The following EXOC4 variants were observed in gnomAD, a reference collection of about 807,000 sequenced individuals.
EXOC4 encodes the protein SEC8-like 1.
Under a neutral mutation model 107.2 loss-of-function variants are expected in EXOC4, and 71 were observed. The ratio of observed to expected loss-of-function variants is 0.66; its 90% CI spans 0.55 to 0.81. EXOC4 has a LOEUF of 0.81. Ranked by LOEUF, EXOC4 falls within the 30% of genes least tolerant of loss-of-function variation. The pLI, the probability that EXOC4 is intolerant of heterozygous loss-of-function variation, is 0.00. For synonymous variants in EXOC4, 456 were observed against 441.2 expected (o/e 1.03, Z -0.42); for missense variants, 1,108 against 1,189.6 (o/e 0.93, Z 1.01).
chr7:134,076,181 A>G, the EXOC4 span, among the ~76,000 whole-genome samples: 1 of 152,068 alleles, frequency 6.6e-6, no homozygotes, highest in South Asian at 2.1e-4. Context: ...AAAGATAGTG[A>G]TTTCCCAACA....
intron 6 of EXOC4, among the ~76,000 whole-genome samples, chr7:133,369,311 T>C (rs1247458368): frequency 6.6e-6 from 1 of 152,112 alleles, no homozygotes; most frequent in East Asian, 1.9e-4. Flanking sequence ...TAAAGGAGTG[T>C]ACGTGCTGGT....
At chr7:133,731,849 T>C (rs887559405) in intron 10 of EXOC4, among the ~76,000 whole-genome samples, 2 of 152,128 alleles carry the variant, frequency 1.3e-5, no homozygotes, top group African/African-American at 4.8e-5. Flanking sequence ...TATGGGAATA[T>C]AAATTAGTTC....
chr7:133,290,988 C>G (rs961026885), intron 3 of EXOC4: 5 of 152,014 alleles, frequency 3.3e-5, no homozygotes, highest in Non-Finnish European at 7.4e-5. Flanking sequence ...AAACAGGGGG[C>G]ATAGGCTATG....
intron 2 of EXOC4, among the ~76,000 whole-genome samples, chr7:133,286,324 C>T (rs1013154700): frequency 3.3e-5 from 5 of 152,086 alleles, no homozygotes; most frequent in South Asian, 2.1e-4. Context: ...ATGTTTATAT[C>T]GTCCTGTCCT....
intron 10 of EXOC4, among the ~76,000 whole-genome samples, chr7:133,800,111 T>C (rs1796906426): frequency 7.6e-6 from 1 of 131,796 alleles, no homozygotes; most frequent in Admixed American, 9.5e-5. Flanking sequence ...AACATATCAC[T>C]TCCCCAGATG....
intron 9 of EXOC4, among the ~76,000 whole-genome samples, chr7:133,513,100 A>C (rs1240164733): frequency 1.3e-5 from 2 of 152,168 alleles, no homozygotes; most frequent in African/African-American, 4.8e-5. Flanking sequence ...GCAAGACTTC[A>C]TCTCAAAAAA....
Position 133,508,507 on chromosome 7 carries a change from A to G in EXOC4, c.1417+28369A>G, listed in dbSNP as rs186151394. Among the ~76,000 whole-genome samples the G allele has an allele frequency of 6.0e-4, 92 of 152,314 alleles. 1 individual carries two copies. Among genetic ancestry groups the G allele is most frequent in the Middle Eastern group, 3.4e-3 (1 of 294 alleles). On this transcript the variant is annotated intron_variant, in intron 9 of 17. Coordinates refer to ENST00000253861, the MANE Select transcript of EXOC4 (RefSeq NM_021807.4). ...ACTTCTGTTTCCTCTTTAACACTGT[A>G]GCACTTAGGAATTATCTTATTTCCC...
At chr7:133,405,059 G>A (rs1264702715) in intron 7 of EXOC4, among the ~76,000 whole-genome samples, 1 of 151,952 alleles carries the variant, frequency 6.6e-6, no homozygotes, top group African/African-American at 2.4e-5. Context: ...GAGTGATAGG[G>A]CAAGACCCTG....
chr7:134,081,388 T>C, the EXOC4 span, among the ~76,000 whole-genome samples: 13 of 152,138 alleles, frequency 8.5e-5, no homozygotes, highest in Admixed American at 2.6e-4. Flanking sequence ...CAGCAGCCCC[T>C]TCCCCACAGC....
At chr7:133,511,667 T>C (rs1053469086) in intron 9 of EXOC4, among the ~76,000 whole-genome samples, 3 of 152,196 alleles carry the variant, frequency 2.0e-5, no homozygotes, top group African/African-American at 7.2e-5. Flanking sequence ...ATAATCATTG[T>C]AGAGCAAATG....
At chr7:133,911,400 G>A (rs1023379055) in intron 12 of EXOC4, among the ~76,000 whole-genome samples, 1 of 152,152 alleles carries the variant, frequency 6.6e-6, no homozygotes, top group East Asian at 1.9e-4. Flanking sequence ...GTTTATTGCT[G>A]ATCAATGCCA....
At chr7:133,954,105 C>T (rs947162158) in intron 14 of EXOC4, among the ~76,000 whole-genome samples, 23 of 152,136 alleles carry the variant, frequency 1.5e-4, no homozygotes, top group Non-Finnish European at 2.5e-4. Context: ...CTAAACTTAC[C>T]TTCCCCAAAT....
chr7:133,929,432 A>T (rs902051890), intron 13 of EXOC4, among the ~76,000 whole-genome samples: 3 of 152,078 alleles, frequency 2.0e-5, no homozygotes, highest in African/African-American at 7.2e-5. Context: ...TCTGATAGTT[A>T]CCTACTGCTC....
chr7:133,294,062 A>C (rs1009419019), intron 3 of EXOC4, among the ~76,000 whole-genome samples: 2 of 152,204 alleles, frequency 1.3e-5, no homozygotes, highest in African/African-American at 4.8e-5. Flanking sequence ...ATTTAAATTG[A>C]AATTTTAATT....
At chr7:133,655,198 T>A (rs1803261306) in intron 10 of EXOC4, among the ~76,000 whole-genome samples, 1 of 152,062 alleles carries the variant, frequency 6.6e-6, no homozygotes, top group Non-Finnish European at 1.5e-5. Context: ...ATAAACTTTA[T>A]TTTAAAAATT....
At chr7:133,391,123 T>C (rs531812356) in intron 7 of EXOC4, among the ~76,000 whole-genome samples, 24 of 152,192 alleles carry the variant, frequency 1.6e-4, no homozygotes, top group Non-Finnish European at 3.5e-4. Flanking sequence ...CATAAGTGAG[T>C]GGCACAAACA....
At chr7:133,908,403 G>A (rs888044313) in intron 12 of EXOC4, among the ~76,000 whole-genome samples, 4 of 152,234 alleles carry the variant, frequency 2.6e-5, no homozygotes, top group Non-Finnish European at 5.9e-5. Context: ...CACTAGCTCT[G>A]TCTCAGTCTT....
At chr7:133,444,092 A>G (rs1286190141) in intron 7 of EXOC4, among the ~76,000 whole-genome samples, 1 of 152,170 alleles carries the variant, frequency 6.6e-6, no homozygotes, top group East Asian at 1.9e-4. Context: ...AGTGGAGTGT[A>G]GCTCACTTTC....
At chr7:133,380,749 C>A (rs971087085) in intron 7 of EXOC4, among the ~76,000 whole-genome samples, 2 of 152,194 alleles carry the variant, frequency 1.3e-5, no homozygotes, top group African/African-American at 4.8e-5. Flanking sequence ...TAATTATACA[C>A]TTGGCAGTGC....
Sources: gnomAD v4.1 joint callset for allele counts (sites outside exome capture counted in the v4.1 genomes callset) on GRCh38, gnomAD v4.1.1 for gene constraint, MANE v1.5 for transcripts, NCBI Gene and HGNC (gene_info 2026-07-23, HGNC 2026-07-21) for gene names.